Variants in ARID1A observed in about 807,000 individuals in gnomAD.
The protein encoded by ARID1A is AT-rich interaction domain 1A, also known as AT-rich interactive domain-containing protein 1A.
A neutral mutation model predicts 212.6 loss-of-function variants in ARID1A; 20 were observed. That is an observed-to-expected ratio of 0.09 (90% CI 0.07 to 0.14). ARID1A has a LOEUF of 0.14. Ranked by LOEUF, ARID1A falls within the 10% of genes least tolerant of loss-of-function variation. ARID1A has a pLI of 1.00. For missense variants in ARID1A, 2,587 were observed against 3,059.0 expected (o/e 0.85, Z 3.64); for synonymous variants, 1,376 against 1,222.1 (o/e 1.13, Z -2.63).
rs2124068848 is a variant in ARID1A, at chr1:26,763,098, C to T, written c.2545C>T (p.Pro849Ser). 1.2e-6 allele frequency: 2 copies of T among 1,614,284 alleles called. No homozygotes were observed. Among genetic ancestry groups the T allele is most frequent in the Non-Finnish European group, 8.5e-7 (1 of 1,180,054 alleles). Residue 849 changes from proline to serine, a missense_variant, in exon 8 of 20, where the codon CCT becomes TCT. Around this residue, in one of 11 missense-constraint regions of ARID1A, gnomAD observed 674 missense variants for 813.4 expected, o/e 0.83. Transcript: ENST00000324856. The stretch of plus-strand genomic sequence containing the variant: ...AATGCATGGACAGCCTGGCATCCCA[C>T]CTTATGGCACACTCCCTCCAGGGAG... Reference protein sequence around the residue: ...GQMHGQPGIPPYGTLPPGRMS... With the variant: ...GQMHGQPGIPSYGTLPPGRMS...
At position 26,772,832 on chromosome 1, in the gene ARID1A, T is replaced by A; in HGVS notation, c.3560T>A (p.Ile1187Asn). ...TGGAGCAGGAGCAATTCAGTTGGGATCCAGGATGCCTTTAATGATGGAAGT... is the reference window on the plus strand; with the variant it reads ...TGGAGCAGGAGCAATTCAGTTGGGAACCAGGATGCCTTTAATGATGGAAGT... ...PGMSRSNSVG[I>N]QDAFNDGSDS... Residue 1187 changes from isoleucine (I) to asparagine (N), a missense_variant, in exon 14 of 20, where the codon ATC (isoleucine) becomes AAC (asparagine). By Grantham distance (149) the Ile-to-Asn change is moderately radical. Transcript: ENST00000324856. 1 of 1,614,068 alleles carries A rather than the reference T, an allele frequency of 6.2e-7. No homozygotes were observed. The highest frequency in any genetic ancestry group is 1.7e-4 in the Middle Eastern group (1 of 6,056).
chr1:26,710,655 A>G (rs1211376779), intron 1 of ARID1A, among the ~76,000 whole-genome samples: 1 of 151,984 alleles, frequency 6.6e-6, no homozygotes, highest in African/African-American at 2.4e-5. Flanking sequence ...ATCGAATCCA[A>G]AACTCTGTCA....
intron 1 of ARID1A, among the ~76,000 whole-genome samples, chr1:26,710,428 A>T (rs973766533): frequency 2.0e-5 from 3 of 146,420 alleles, no homozygotes; most frequent in African/African-American, 5.0e-5. Flanking sequence ...GTGAGCCGAG[A>T]TCACACCATT....
intron 1 of ARID1A, among the ~76,000 whole-genome samples, chr1:26,717,218 C>T (rs1331091642): frequency 6.6e-6 from 1 of 152,112 alleles, no homozygotes; most frequent in Non-Finnish European, 1.5e-5. Context: ...CTTGTGTGTT[C>T]ATGTTTTTTA....
intron 1 of ARID1A, among the ~76,000 whole-genome samples, chr1:26,723,672 G>A (rs1570568676): frequency 6.6e-6 from 1 of 151,862 alleles, no homozygotes; most frequent in Admixed American, 6.6e-5. Flanking sequence ...ACTTCAAGGC[G>A]TTCCACAGGA....
intron 1 of ARID1A, among the ~76,000 whole-genome samples, chr1:26,703,099 T>C (rs542734337): frequency 6.6e-6 from 1 of 152,300 alleles, no homozygotes; most frequent in South Asian, 2.1e-4. Context: ...TGGGTTTATT[T>C]ATACAGTTTT....
At position 26,761,061 on chromosome 1, in the gene ARID1A, C is replaced by G. The variant is rs2124056664; in HGVS notation, c.2126C>G (p.Ser709Cys). Residue 709 changes from serine to cysteine, a missense_variant, in exon 5 of 20, where the codon TCT becomes TGT. Transcript: ENST00000324856. ...PVGSPASVAQ[S>C]RSGPLSPAAV... is the part of the protein sequence containing the mutation. ...GGCTCTCCCGCCAGTGTTGCTCAGT[C>G]TCGCTCAGGACCACTCTCGCCTGCT... 1 of 1,614,152 alleles carries G rather than the reference C, an allele frequency of 6.2e-7. No homozygotes were observed. Among genetic ancestry groups the G allele is most frequent in the Non-Finnish European group, 8.5e-7 (1 of 1,180,024 alleles).
chr1:26,772,339 T>C (rs762955329), intron 12 of ARID1A, 161 bp from the exon 13 acceptor site: 56 of 1,041,796 alleles, frequency 5.4e-5, no homozygotes, highest in Middle Eastern at 2.2e-4. Context: ...ATTCCCGTCT[T>C]TATGACCTGG....
intron 4 of ARID1A, among the ~76,000 whole-genome samples, chr1:26,749,667 G>A (rs962894606): frequency 1.3e-5 from 2 of 152,184 alleles, no homozygotes; most frequent in African/African-American, 2.4e-5. Flanking sequence ...GCACGTTCTC[G>A]TATTTTCACA....
chr1:26,760,857 A>C lies in ARID1A; in HGVS notation c.1922A>C (p.Asp641Ala). Reference sequence around the variant, plus strand: ...CATGTTCTTATATATATGTTCTAGGATCTATCTGGTTCAATAGATGACCTC... The same window carrying C: ...CATGTTCTTATATATATGTTCTAGGCTCTATCTGGTTCAATAGATGACCTC... ...SLQSRPSSLP[D>A]LSGSIDDLPM... is the part of the protein sequence containing the mutation. The change falls in exon 5 of 20, where the codon GAT becomes GCT. Residue 641 changes from aspartate to alanine, a missense_variant and splice_region_variant. By Grantham distance (126) the Asp-to-Ala change is moderately radical. This residue lies in a region of ARID1A where 674 missense variants were observed against 813.4 expected (regional missense o/e 0.83). Coordinates refer to ENST00000324856, the MANE Select transcript of ARID1A (RefSeq NM_006015.6). The C allele has an allele frequency of 3.7e-6, 6 of 1,611,212 alleles. No individual in the cohort carries two copies. Among genetic ancestry groups the C allele is most frequent in the Non-Finnish European group, 4.2e-6 (5 of 1,177,820 alleles).
rs1484601889 is a variant in ARID1A at position 26,729,696 on chromosome 1, T to C, written c.1183T>C (p.Tyr395His). 1 of 1,614,248 alleles carries C rather than the reference T, an allele frequency of 6.2e-7. No individual in the cohort carries two copies. Among genetic ancestry groups the C allele is most frequent in the Non-Finnish European group, 8.5e-7 (1 of 1,180,044 alleles). ...DQMGKMRPQP[Y>H]GGTNPYSQQQ... is the part of the protein sequence containing the mutation. ...GATGGGCAAGATGAGACCTCAGCCA[T>C]ATGGCGGGACTAACCCATACTCGCA... is the stretch of plus-strand genomic sequence containing the variant. Residue 395 changes from tyrosine (Y) to histidine (H), a missense_variant, in exon 2 of 20, where the codon TAT (tyrosine) becomes CAT (histidine). Tyr to His is a moderately conservative substitution (Grantham distance 83, BLOSUM62 2). Coordinates refer to ENST00000324856, the MANE Select transcript of ARID1A (RefSeq NM_006015.6).
chr1:26,696,985 C>T lies in ARID1A; in HGVS notation c.582C>T (p.Pro194=), dbSNP rs1283126655. The T allele has an allele frequency of 4.6e-6, 7 of 1,508,716 alleles. No individual in the cohort carries two copies. The highest frequency in any genetic ancestry group is 2.3e-5 in the Admixed American group (1 of 43,740). The allele number at this position is 1,508,716 out of a possible 1,614,324, so 93.5% of individuals were successfully genotyped here. The change falls in exon 1 of 20, where the codon CCC becomes CCT. Residue 194 remains proline (P), a synonymous_variant. Coordinates refer to ENST00000324856, the MANE Select transcript of ARID1A (RefSeq NM_006015.6). Reference sequence around the variant, plus strand: ...GCGGCGGCGGCGGGGGCCTGGAGCCCTACGCGGGGCCCCAGCAGAACTCTC... The same window carrying T: ...GCGGCGGCGGCGGGGGCCTGGAGCCTTACGCGGGGCCCCAGCAGAACTCTC... ...LQSGGGGGLE[P]YAGPQQNSHD...
intron 1 of ARID1A, among the ~76,000 whole-genome samples, chr1:26,705,037 A>G (rs1229053407): frequency 1.3e-5 from 2 of 152,054 alleles, no homozygotes; most frequent in Non-Finnish European, 2.9e-5. Context: ...TCATCAGTGG[A>G]TGCTTAACAG....
intron 4 of ARID1A, among the ~76,000 whole-genome samples, chr1:26,736,404 C>T (rs1163048461): frequency 3.3e-5 from 5 of 150,532 alleles, no homozygotes; most frequent in African/African-American, 1.2e-4. Context: ...CCGAGGCTGG[C>T]GGATCACAAG....
rs767004633 is a variant in ARID1A, at chr1:26,774,407, A to T, written c.4180A>T (p.Ser1394Cys). 23 of 1,610,660 alleles carry T rather than the reference A, an allele frequency of 1.4e-5. 1 individual carries two copies. Among genetic ancestry groups the T allele is most frequent in the Non-Finnish European group, 2.0e-5 (23 of 1,177,932 alleles). ...HEGEMYSVPY[S>C]TGQGQPQQQQ... Reference sequence around the variant, plus strand: ...AGGGGAGATGTACAGCGTGCCATACAGCACTGGGCAGGGGCAGCCTCAGCA... The same window carrying T: ...AGGGGAGATGTACAGCGTGCCATACTGCACTGGGCAGGGGCAGCCTCAGCA... Residue 1394 changes from serine (S) to cysteine (C), a missense_variant, in exon 18 of 20, where the codon AGC becomes TGC. Physicochemically the swap from Ser to Cys is moderately radical, Grantham distance 112. Coordinates refer to ENST00000324856, the MANE Select transcript of ARID1A (RefSeq NM_006015.6). The surrounding 1 kb of genome is among the most constrained non-coding windows in gnomAD (Gnocchi z 5.6).
chr1:26,777,425 C>A (rs2081146938), intron 19 of ARID1A, among the ~76,000 whole-genome samples: 1 of 143,088 alleles, frequency 7.0e-6, no homozygotes. Context: ...AGAGATGAGG[C>A]TTCACCATGT....
rs1557621355 is a variant in ARID1A, at chr1:26,780,597, G to A, written c.6699G>A (p.Arg2233=). ...CAACTAGTGTGGACATGATGCGGCGGGCTGCCCGCGCGCTGCTTGCCTTGG... is the reference window on the plus strand; with the variant it reads ...CAACTAGTGTGGACATGATGCGGCGAGCTGCCCGCGCGCTGCTTGCCTTGG... ...FEPTSVDMMR[R]AARALLALAK... is the part of the protein sequence containing the mutation. The change falls in exon 20 of 20, where the codon CGG becomes CGA. Residue 2233 remains arginine, a synonymous_variant. Coordinates refer to ENST00000324856, the MANE Select transcript of ARID1A (RefSeq NM_006015.6). The surrounding 1 kb of genome is among the most constrained non-coding windows in gnomAD (Gnocchi z 7.2). 2 of 1,614,024 alleles carry A rather than the reference G, an allele frequency of 1.2e-6. No individual in the cohort carries two copies. The highest frequency in any genetic ancestry group is 1.1e-5 in the South Asian group (1 of 91,088).
intron 1 of ARID1A, among the ~76,000 whole-genome samples, chr1:26,719,941 C>CAA (rs1213565550): frequency 4.7e-3 from 232 of 49,678 alleles, no homozygotes; most frequent in African/African-American, 0.017. Flanking sequence ...AAGTCCGTCT[C>CAA]AAAAAAAAAA....
At chr1:26,761,290 T>A in intron 5 of ARID1A, 94 bp from the exon 6 acceptor site, 1 of 1,514,346 alleles carries the variant, frequency 6.6e-7, no homozygotes, top group Non-Finnish European at 9.1e-7. Flanking sequence ...GTACTTGGCC[T>A]CTTCATGAGC....
Sources: gnomAD v4.1 joint callset for allele counts (sites outside exome capture counted in the v4.1 genomes callset) on GRCh38, gnomAD v4.1.1 for gene constraint, gnomAD v4.1.1 regional missense constraint, Gnocchi (gnomAD v3.1) non-coding constraint, MANE v1.5 for transcripts, NCBI Gene and HGNC (gene_info 2026-07-23, HGNC 2026-07-21) for gene names.